The following USP8 variants were observed in gnomAD, a reference collection of about 807,000 sequenced individuals.
The protein encoded by USP8 is ubiquitin specific peptidase 8.
A neutral mutation model predicts 130.0 loss-of-function variants in USP8; 27 were observed. The observed-to-expected ratio is 0.21, with a 90% confidence interval of 0.15 to 0.29. The LOEUF (loss-of-function observed/expected upper bound fraction) is 0.29. Among genes scored for constraint, USP8 ranks in the 10% least tolerant of loss-of-function variants. USP8 has a pLI of 1.00. For synonymous variants in USP8, 392 were observed against 444.1 expected (o/e 0.88, Z 1.48); for missense variants, 1,029 against 1,312.2 (o/e 0.78, Z 3.33).
chr15:50,435,551 T>G (rs1014063794), intron 1 of USP8, among the ~76,000 whole-genome samples: 1 of 152,166 alleles, frequency 6.6e-6, no homozygotes, highest in African/African-American at 2.4e-5. Context: ...ATGTTTTGCT[T>G]TCTCACTTGA....
At chr15:50,492,456 C>G (rs1347489663) in intron 14 of USP8, among the ~76,000 whole-genome samples, 2 of 152,080 alleles carry the variant, frequency 1.3e-5, no homozygotes, top group Non-Finnish European at 2.9e-5. Context: ...TCTCTAAGAA[C>G]CATGACCCAC....
Position 50,482,064 on chromosome 15 carries a change from A to C in USP8, c.1802A>C (p.Lys601Thr), listed in dbSNP as rs1295540607. The C allele has an allele frequency of 6.0e-6, 9 of 1,493,402 alleles. No individual in the cohort carries two copies. The African/African-American group carries it at 1.1e-4, about 19-fold the overall frequency. 92.5% of individuals were successfully genotyped at this position (1,493,402 alleles called of 1,614,324 possible). ...GTGACAGGGGATTCAGGTTCAGGCAAGGTAAGCAGAAACAGTACAAATTGC... is the reference window on the plus strand; with the variant it reads ...GTGACAGGGGATTCAGGTTCAGGCACGGTAAGCAGAAACAGTACAAATTGC... Reference protein sequence around the residue: ...TSVTGDSGSGKPFKIKGQPES... With the variant: ...TSVTGDSGSGTPFKIKGQPES... Residue 601 changes from lysine (K) to threonine (T), a missense_variant and splice_region_variant, in exon 11 of 20, where the codon AAG (lysine) becomes ACG (threonine). Physicochemically the swap from Lys to Thr is moderately conservative, Grantham distance 78 (BLOSUM62 -1). Around this residue, in one of 4 missense-constraint regions of USP8, gnomAD observed 486 missense variants for 522.0 expected, o/e 0.93. Coordinates refer to ENST00000307179, the MANE Select transcript of USP8 (RefSeq NM_005154.5).
At chr15:50,496,393 A>G (rs1382662091) in intron 17 of USP8, among the ~76,000 whole-genome samples, 1 of 151,356 alleles carries the variant, frequency 6.6e-6, no homozygotes, top group African/African-American at 2.4e-5. Context: ...AGGCAGGAGA[A>G]TGGCGTGAAC....
Position 50,511,142 on chromosome 15 carries a change from T to C in USP8, c.*12054T>C, listed in dbSNP as rs2052734530. ...TCTGAATGTTTGCAAAGTTTTATTT[T>C]AAAAACTGGAGAGAGAGCACTTGAA... On this transcript the variant is annotated 3_prime_UTR_variant, in exon 20 of 20. Transcript: ENST00000307179. 6.6e-6 allele frequency: 1 copy of C among 152,204 alleles called. No individual in the cohort carries two copies. The highest frequency in any genetic ancestry group is 1.5e-5 in the Non-Finnish European group (1 of 68,040). The allele number at this position is 152,204 out of a possible 1,614,324, so 9.4% of individuals were successfully genotyped here.
At position 50,477,383 on chromosome 15, in the gene USP8, C is replaced by A; in HGVS notation, c.1102C>A (p.Gln368Lys). Residue 368 changes from glutamine to lysine, a missense_variant, in exon 10 of 20, where the codon CAA becomes AAA. Around this residue, in one of 4 missense-constraint regions of USP8, gnomAD observed 486 missense variants for 522.0 expected, o/e 0.93. Coordinates refer to ENST00000307179, the MANE Select transcript of USP8 (RefSeq NM_005154.5). ...TGAAAATATAGAATTGATAAGTGGT[C>A]AAAATGAGAGAATGGGACCACTGAA... The part of the protein sequence containing the change: ...VDENIELISG[Q>K]NERMGPLNIS... 6.2e-7 allele frequency: 1 copy of A among 1,614,060 alleles called. No homozygotes were observed. The highest frequency in any genetic ancestry group is 1.1e-5 in the South Asian group (1 of 91,058).
At chr15:50,452,192 A>G (rs2050649576) in intron 4 of USP8, among the ~76,000 whole-genome samples, 1 of 152,202 alleles carries the variant, frequency 6.6e-6, no homozygotes, top group African/African-American at 2.4e-5. Context: ...GTTTCTTATT[A>G]TTATCTTTTT....
intron 5 of USP8, among the ~76,000 whole-genome samples, chr15:50,459,993 C>CAA: frequency 8.8e-6 from 1 of 113,388 alleles, no homozygotes; most frequent in Non-Finnish European, 1.8e-5. Context: ...CCCCACCCCC[C>CAA]CCCTTTTTTT....
chr15:50,481,126 A>G (rs2051752460), intron 10 of USP8, among the ~76,000 whole-genome samples: 1 of 152,140 alleles, frequency 6.6e-6, no homozygotes, highest in South Asian at 2.1e-4. Context: ...TTGACACTCA[A>G]ATGGAAATAT....
rs1173450890 is a variant in USP8 at position 50,494,289 on chromosome 15, T to C, written c.2658+9T>C. 2.5e-6 allele frequency: 4 copies of C among 1,586,430 alleles called. No individual in the cohort carries two copies. Among genetic ancestry groups the C allele is most frequent in the Admixed American group, 1.9e-5 (1 of 53,176 alleles). Reference sequence around the variant, plus strand: ...ATGAAGATCTAAATAAAGTAAGAAATTTGATTTTTCTAAGTTGCAGAGACT... The same window carrying C: ...ATGAAGATCTAAATAAAGTAAGAAACTTGATTTTTCTAAGTTGCAGAGACT... On this transcript the variant is annotated intron_variant, in intron 16 of 19. Coordinates refer to ENST00000307179, the MANE Select transcript of USP8 (RefSeq NM_005154.5).
intron 7 of USP8, chr15:50,467,206 T>G: frequency 5.7e-6 from 1 of 174,176 alleles, no homozygotes; most frequent in East Asian, 1.5e-4. Flanking sequence ...ACAGACGAAG[T>G]TATAATTAGT....
rs1277358052 is a variant in USP8, at chr15:50,507,047, C to G, written c.*7959C>G. ...CCTGTAATCCCAACACTTTGGGAGG[C>G]CAAGGCAGGCGGATCACCTGAGATC... is the stretch of plus-strand genomic sequence containing the variant. On this transcript the variant is annotated 3_prime_UTR_variant, in exon 20 of 20. Transcript: ENST00000307179. 1 of 150,490 alleles carries G rather than the reference C, an allele frequency of 6.6e-6. No homozygotes were observed. Among genetic ancestry groups the G allele is most frequent in the African/African-American group, 2.5e-5 (1 of 40,790 alleles). 9.3% of individuals were successfully genotyped at this position (150,490 alleles called of 1,614,324 possible).
At position 50,495,279 on chromosome 15, in the gene USP8, T is replaced by C. The variant is rs2052340959; in HGVS notation, c.2659-569T>C. On this transcript the variant is annotated intron_variant, in intron 16 of 19. Transcript: ENST00000307179. ...ATACATACATATATACACATATATA[T>C]ACACATACATATATACATATATACG... 4.2e-4 allele frequency among the ~76,000 whole-genome samples: 2 copies of C among 4,806 alleles called. 1 individual carries two copies. The highest frequency in any genetic ancestry group is 0.021 in the South Asian group (2 of 96). The allele number at this position is 4,806 out of a possible 152,430, so 3.2% of individuals were successfully genotyped here.
rs2052649665 is a variant in USP8, at chr15:50,505,774, C to CAT, written c.*6688_*6689dup. ...AGGAGTTTGAGACCAGCCTGGGCAA[C>CAT]ATAGTGAGACCTGGTCTCTAAAAAA... On this transcript the variant is annotated 3_prime_UTR_variant, in exon 20 of 20. Transcript: ENST00000307179. 6.6e-6 allele frequency: 1 copy of CAT among 152,244 alleles called. No homozygotes were observed. The highest frequency in any genetic ancestry group is 2.1e-4 in the South Asian group (1 of 4,824). The allele number at this position is 152,244 out of a possible 1,614,324, so 9.4% of individuals were successfully genotyped here. A position where few individuals can be genotyped will look rare whatever the true frequency, so the allele number is the denominator to read the frequency against.
intron 1 of USP8, among the ~76,000 whole-genome samples, chr15:50,428,292 G>A (rs1567591573): frequency 6.6e-6 from 1 of 151,860 alleles, no homozygotes; most frequent in African/African-American, 2.4e-5. Context: ...AATTTTTTGT[G>A]TTTTAGTAGA....
intron 16 of USP8, among the ~76,000 whole-genome samples, chr15:50,495,359 T>G (rs12903031): frequency 0.21 from 21,914 of 104,564 alleles, 2,572 homozygotes; most frequent in Middle Eastern, 0.35. Flanking sequence ...TATACATATA[T>G]AGAGAGAGAG....
At chr15:50,438,742 C>G (rs552086078) in intron 1 of USP8, among the ~76,000 whole-genome samples, 4 of 152,148 alleles carry the variant, frequency 2.6e-5, no homozygotes, top group African/African-American at 7.2e-5. Flanking sequence ...ATTATTCTTA[C>G]TGCTAGTTCC....
At chr15:50,447,580 G>A (rs150250924) in intron 3 of USP8, among the ~76,000 whole-genome samples, 129 of 148,800 alleles carry the variant, frequency 8.7e-4, no homozygotes, top group African/African-American at 2.9e-3. Context: ...TTTCCCCTCC[G>A]AGACAGAGTT....
At position 50,505,078 on chromosome 15, in the gene USP8, TTGAA is replaced by T. The variant is rs1252274642; in HGVS notation, c.*5994_*5997del. 9 of 151,910 alleles carry T rather than the reference TTGAA, an allele frequency of 5.9e-5. No individual in the cohort carries two copies. The East Asian group carries it at 1.5e-3, about 26-fold the overall frequency. 9.4% of individuals were successfully genotyped at this position (151,910 alleles called of 1,614,324 possible). A position where few individuals can be genotyped will look rare whatever the true frequency, so the allele number is the denominator to read the frequency against. On this transcript the variant is annotated 3_prime_UTR_variant, in exon 20 of 20. Coordinates refer to ENST00000307179, the MANE Select transcript of USP8 (RefSeq NM_005154.5). The stretch of plus-strand genomic sequence containing the variant: ...AATACGTGTTAAGAGGCATGAAAAA[TTGAA>T]TGAGAATATTCAGCGTATGTCCTGT...
intron 11 of USP8, among the ~76,000 whole-genome samples, chr15:50,483,074 G>T (rs184938955): frequency 1.3e-5 from 2 of 152,294 alleles, no homozygotes; most frequent in East Asian, 3.9e-4. Context: ...TGCACTCCAA[G>T]ATACAATTTA....
Sources: allele counts gnomAD v4.1 joint callset (sites outside exome capture counted in the v4.1 genomes callset), GRCh38; gene constraint gnomAD v4.1.1; regional missense constraint gnomAD v4.1.1; transcripts MANE v1.5; gene names NCBI Gene and HGNC (gene_info 2026-07-23, HGNC 2026-07-21).